STXBP6: variants seen among roughly 807,000 people sequenced by gnomAD.
STXBP6 encodes the protein syntaxin-binding protein 6.
Under a neutral mutation model 26.9 loss-of-function variants are expected in STXBP6, and 21 were observed. That is an observed-to-expected ratio of 0.78 (90% CI 0.55 to 1.12). The LOEUF is 1.12. Ranked by LOEUF, STXBP6 falls within the 50% of genes most tolerant of loss-of-function variation. The pLI is 0.00. For missense variants in STXBP6, 232 were observed against 257.9 expected, an observed-to-expected ratio of 0.90 and a Z score of 0.69; for synonymous variants, 97 against 92.6, an observed-to-expected ratio of 1.05 and a Z score of -0.27.
At chr14:24,838,117 C>G (rs774806144) in intron 4 of STXBP6, among the ~76,000 whole-genome samples, 1 of 152,076 alleles carries the variant, frequency 6.6e-6, no homozygotes, top group Non-Finnish European at 1.5e-5. Context: ...TAGCAATGAT[C>G]CTCCCACCTC....
At chr14:24,832,369 A>C (rs1189666950) in intron 4 of STXBP6, among the ~76,000 whole-genome samples, 2 of 152,172 alleles carry the variant, frequency 1.3e-5, no homozygotes, top group Non-Finnish European at 2.9e-5. Flanking sequence ...AATTTGGTGA[A>C]TGTGAAATTG....
At chr14:24,946,599 G>A (rs929320843) in intron 2 of STXBP6, among the ~76,000 whole-genome samples, 1 of 152,192 alleles carries the variant, frequency 6.6e-6, no homozygotes, top group Non-Finnish European at 1.5e-5. Flanking sequence ...AACCTCATCA[G>A]GAGCAGGAAT....
At chr14:24,822,547 C>T (rs2068164902) in intron 4 of STXBP6, among the ~76,000 whole-genome samples, 1 of 152,154 alleles carries the variant, frequency 6.6e-6, no homozygotes, top group East Asian at 1.9e-4. Context: ...GGCAGAATGA[C>T]TTTAAGGGAG....
intron 2 of STXBP6, among the ~76,000 whole-genome samples, chr14:24,863,555 T>A (rs1320560267): frequency 6.6e-6 from 1 of 152,098 alleles, no homozygotes; most frequent in Non-Finnish European, 1.5e-5. Flanking sequence ...AAAATGGTAA[T>A]AACCAAGAAG....
chr14:25,039,612 T>C lies in STXBP6; in HGVS notation c.-33+10266A>G, dbSNP rs77781972. On this transcript the variant is annotated intron_variant, in intron 1 of 5. Coordinates refer to ENST00000323944, the MANE Select transcript of STXBP6 (RefSeq NM_001394410.1). ...ACGGAGACTTGGCTCCTCTACAGCA[T>C]TGGCCCAAGGATTAGCCCTCTTCAT... 4.2e-3 allele frequency among the ~76,000 whole-genome samples: 644 copies of C among 152,258 alleles called. 15 individuals carry two copies. The East Asian group carries it at 0.043, about 10-fold the overall frequency.
At chr14:24,883,200 T>G (rs2070437851) in intron 2 of STXBP6, among the ~76,000 whole-genome samples, 1 of 152,204 alleles carries the variant, frequency 6.6e-6, no homozygotes, top group African/African-American at 2.4e-5. Context: ...TCTGAGTGTT[T>G]ACTTCTCTGT....
chr14:24,999,723 T>C lies in STXBP6; in HGVS notation c.-32-24873A>G, dbSNP rs147802253. Among the ~76,000 whole-genome samples, 25 of 152,216 alleles carry C rather than the reference T, an allele frequency of 1.6e-4. No homozygotes were observed. In the East Asian group the frequency reaches 2.9e-3, roughly 18 times the overall value. ...ACTTCAGTTTAAAAACAGAGGATTA[T>C]AGCTGAAAGAGTTGCAATATATAGA... is the stretch of plus-strand genomic sequence containing the variant. On this transcript the variant is annotated intron_variant, in intron 1 of 5. Coordinates refer to ENST00000323944, the MANE Select transcript of STXBP6 (RefSeq NM_001394410.1).
chr14:24,827,821 C>T (rs1367177014), intron 4 of STXBP6, among the ~76,000 whole-genome samples: 4 of 152,138 alleles, frequency 2.6e-5, no homozygotes, highest in African/African-American at 9.7e-5. Context: ...CCAGGCTATT[C>T]GCTTGCCACC....
At chr14:24,941,826 T>C (rs1228028218) in intron 2 of STXBP6, among the ~76,000 whole-genome samples, 2 of 152,194 alleles carry the variant, frequency 1.3e-5, no homozygotes, top group African/African-American at 2.4e-5. Flanking sequence ...GGACCACCTG[T>C]GTGAGAAAAT....
At chr14:24,962,140 A>G (rs778738359) in intron 2 of STXBP6, among the ~76,000 whole-genome samples, 8 of 152,114 alleles carry the variant, frequency 5.3e-5, no homozygotes, top group Non-Finnish European at 1.2e-4. Flanking sequence ...ACCCTTATAT[A>G]CACCTGCAAA....
chr14:24,946,923 C>G (rs2073011691), intron 2 of STXBP6, among the ~76,000 whole-genome samples: 1 of 152,202 alleles, frequency 6.6e-6, no homozygotes, highest in Admixed American at 6.5e-5. Flanking sequence ...ACCGAGATGA[C>G]TGGGCCCAGG....
At chr14:24,879,316 G>A (rs1566437906) in intron 2 of STXBP6, among the ~76,000 whole-genome samples, 4 of 152,068 alleles carry the variant, frequency 2.6e-5, no homozygotes, top group African/African-American at 7.2e-5. Context: ...CATAATAGAA[G>A]TTTTCCTTCT....
chr14:24,894,974 C>T (rs1226795215), intron 2 of STXBP6, among the ~76,000 whole-genome samples: 2 of 151,610 alleles, frequency 1.3e-5, no homozygotes, highest in Non-Finnish European at 2.9e-5. Context: ...TTGCCTTGAG[C>T]TTGTCTGGCT....
In STXBP6 at chr14:25,034,979, C is replaced by T. The variant is rs1285334262; in HGVS notation, c.-33+14899G>A. On this transcript the variant is annotated intron_variant, in intron 1 of 5. Coordinates refer to ENST00000323944, the MANE Select transcript of STXBP6 (RefSeq NM_001394410.1). ...TTGCCTGGCCAACATGGTAAAACCC[C>T]GTCTCTACTACAAATACAAAAATTA... Among the ~76,000 whole-genome samples the T allele has an allele frequency of 5.9e-5, 9 of 151,894 alleles. No homozygotes were observed. The South Asian group carries it at 6.3e-4, about 11-fold the overall frequency.
chr14:25,049,460 G>C lies in STXBP6; in HGVS notation c.-33+418C>G, dbSNP rs2075771870. The C allele has an allele frequency of 1.0e-5, 10 of 985,220 alleles. No individual in the cohort carries two copies. Among genetic ancestry groups the C allele is most frequent in the Admixed American group, 1.2e-4 (2 of 16,264 alleles). 61.0% of individuals were successfully genotyped at this position (985,220 alleles called of 1,614,324 possible). The stretch of plus-strand genomic sequence containing the variant: ...TTCGCGGATTTCTGCGCTCAAGCTA[G>C]AGGCGCAGCGACCCCGAGCTCCCCC... On this transcript the variant is annotated intron_variant, in intron 1 of 5. Coordinates refer to ENST00000323944, the MANE Select transcript of STXBP6 (RefSeq NM_001394410.1). This position sits in a 1 kb window ranked among gnomAD's most constrained non-coding sequence, Gnocchi z 5.6.
intron 2 of STXBP6, among the ~76,000 whole-genome samples, chr14:24,921,219 C>A (rs1566477213): frequency 6.6e-6 from 1 of 152,118 alleles, no homozygotes; most frequent in Non-Finnish European, 1.5e-5. Context: ...CAATGTAGTA[C>A]ATACAAATTT....
intron 1 of STXBP6, chr14:25,048,960 C>A (rs1478579744): frequency 1.2e-5 from 2 of 169,034 alleles, no homozygotes; most frequent in Admixed American, 6.5e-5. Flanking sequence ...GCGGACCTAC[C>A]GATCCTATTC....
intron 2 of STXBP6, among the ~76,000 whole-genome samples, chr14:24,972,504 C>T (rs1467384528): frequency 6.6e-6 from 1 of 152,122 alleles, no homozygotes. Flanking sequence ...GCTTCTAGAC[C>T]GTCTACCTTT....
At chr14:24,818,284 C>T (rs1218395873) in intron 5 of STXBP6, among the ~76,000 whole-genome samples, 3 of 152,204 alleles carry the variant, frequency 2.0e-5, no homozygotes, top group African/African-American at 7.2e-5. Context: ...AACAGGGCCT[C>T]TCTTTCCTTT....
Sources: gnomAD v4.1 joint callset for allele counts (sites outside exome capture counted in the v4.1 genomes callset) on GRCh38, gnomAD v4.1.1 for gene constraint, Gnocchi (gnomAD v3.1) non-coding constraint, MANE v1.5 for transcripts, NCBI Gene and HGNC (gene_info 2026-07-23, HGNC 2026-07-21) for gene names.